The following ZFHX3 variants were observed in gnomAD, a reference collection of about 807,000 sequenced individuals.
ZFHX3 encodes the protein zinc finger homeobox 3.
Under a neutral mutation model 279.1 loss-of-function variants are expected in ZFHX3, and 42 were observed. The ratio of observed to expected loss-of-function variants is 0.15; its 90% confidence interval spans 0.12 to 0.19. The LOEUF (loss-of-function observed/expected upper bound fraction) is 0.19, where lower values mean the gene tolerates loss of function less well. Among genes scored for constraint, ZFHX3 ranks in the 10% least tolerant of loss-of-function variants. The pLI is 1.00. For missense variants in ZFHX3, 4,981 were observed against 4,754.0 expected (o/e 1.05, Z -1.40); for synonymous variants, 2,293 against 1,957.8 (o/e 1.17, Z -4.52).
At chr16:73,124,863 G>C (rs966747924) in intron 7 of ZFHX3, among the ~76,000 whole-genome samples, 1 of 152,166 alleles carries the variant, frequency 6.6e-6, no homozygotes, top group African/African-American at 2.4e-5. Flanking sequence ...TGAGAAATGA[G>C]TCTGTTCTGC....
intron 1 of ZFHX3, among the ~76,000 whole-genome samples, chr16:73,868,437 T>C (rs536257219): frequency 4.6e-5 from 7 of 152,320 alleles, no homozygotes; most frequent in Non-Finnish European, 8.8e-5. Flanking sequence ...GACAGGTGAA[T>C]TGCTTGAACC....
intron 1 of ZFHX3, among the ~76,000 whole-genome samples, chr16:72,962,189 C>T (rs950386911): frequency 6.6e-6 from 1 of 152,248 alleles, no homozygotes; most frequent in African/African-American, 2.4e-5. Context: ...TTTGATGCTG[C>T]ACCAGGGACT....
intron 3 of ZFHX3, among the ~76,000 whole-genome samples, chr16:73,423,109 TC>T (rs1439357893): frequency 6.6e-6 from 1 of 152,090 alleles, no homozygotes; most frequent in Non-Finnish European, 1.5e-5. Flanking sequence ...AAAGACTCCA[TC>T]CCCAAATCCA....
chr16:72,933,232 G>A (rs1020116370), intron 3 of ZFHX3, among the ~76,000 whole-genome samples: 1 of 152,088 alleles, frequency 6.6e-6, no homozygotes, highest in Admixed American at 6.5e-5. Context: ...TACCTCTAGT[G>A]AAATGTATGC....
At chr16:73,534,231 C>T (rs1453265362) in intron 2 of ZFHX3, among the ~76,000 whole-genome samples, 1 of 152,180 alleles carries the variant, frequency 6.6e-6, no homozygotes, top group Non-Finnish European at 1.5e-5. Context: ...TATACTTCCA[C>T]TTTAGGGCCT....
intron 2 of ZFHX3, among the ~76,000 whole-genome samples, chr16:73,627,372 G>A (rs1179171247): frequency 6.6e-6 from 1 of 152,188 alleles, no homozygotes; most frequent in Non-Finnish European, 1.5e-5. Context: ...CAGATTTGCA[G>A]ATACTATTGA....
intron 3 of ZFHX3, among the ~76,000 whole-genome samples, chr16:73,346,372 G>A (rs1450713403): frequency 1.3e-5 from 2 of 152,142 alleles, no homozygotes; most frequent in African/African-American, 2.4e-5. Flanking sequence ...CTTTGTCTGG[G>A]CAGGCAGCAT....
At chr16:73,846,920 T>A (rs1331255846) in intron 1 of ZFHX3, among the ~76,000 whole-genome samples, 4 of 152,118 alleles carry the variant, frequency 2.6e-5, no homozygotes, top group Non-Finnish European at 5.9e-5. Flanking sequence ...ATTTTAAACT[T>A]GTTTTTAAAT....
chr16:73,723,322 T>G lies in ZFHX3; in HGVS notation c.-1607-43082A>C, dbSNP rs149248469. Among the ~76,000 whole-genome samples, 175 of 152,320 alleles carry G rather than the reference T, an allele frequency of 1.1e-3. 1 individual carries two copies. The highest frequency in any genetic ancestry group is 3.3e-3 in the Admixed American group (50 of 15,300). On this transcript the variant is annotated intron_variant, in intron 1 of 17. Transcript: ENST00000641206. ...AAAAATAAGATATTCAGAAGGTAGA[T>G]TCTTCAGCTATAATGATATTGATTC...
intron 4 of ZFHX3, among the ~76,000 whole-genome samples, chr16:73,312,686 C>A (rs1032868031): frequency 6.6e-6 from 1 of 152,152 alleles, no homozygotes; most frequent in Admixed American, 6.5e-5. Flanking sequence ...CTCATAGCCA[C>A]CTTGCAAGAA....
intron 5 of ZFHX3, among the ~76,000 whole-genome samples, chr16:73,226,734 C>G (rs1170154795): frequency 6.6e-6 from 1 of 152,168 alleles, no homozygotes. Context: ...CTTAATCTTA[C>G]ATATTTTTTT....
At chr16:73,213,414 A>G (rs2012087451) in intron 5 of ZFHX3, among the ~76,000 whole-genome samples, 1 of 152,212 alleles carries the variant, frequency 6.6e-6, no homozygotes, top group Non-Finnish European at 1.5e-5. Flanking sequence ...ACTAACCAGA[A>G]CTTAGCTCGA....
At chr16:73,623,117 A>G (rs966158250) in intron 2 of ZFHX3, among the ~76,000 whole-genome samples, 4 of 152,026 alleles carry the variant, frequency 2.6e-5, no homozygotes, top group Admixed American at 2.6e-4. Context: ...GCTCACTGCA[A>G]GCTCCGCCTC....
At chr16:72,889,640 A>C (rs1315792168) in intron 4 of ZFHX3, 91 bp downstream of exon 4, 1 of 1,235,936 alleles carries the variant, frequency 8.1e-7, no homozygotes, top group East Asian at 2.4e-5. Context: ...TGGATCAGTA[A>C]CGTCTCCCTC....
At position 73,339,252 on chromosome 16, in the gene ZFHX3, T is replaced by C. The variant is rs561427493; in HGVS notation, c.-1290-20916A>G. Among the ~76,000 whole-genome samples, 4 of 152,260 alleles carry C rather than the reference T, an allele frequency of 2.6e-5. No individual in the cohort carries two copies. In the East Asian group the frequency reaches 7.8e-4, roughly 30 times the overall value. ...CTGCCCTCCCAAAGCACTGTGCAAC[T>C]TTTTCTTCTTCACCTGCTCTCCTCT... On this transcript the variant is annotated intron_variant, in intron 3 of 17. Coordinates refer to the ZFHX3 transcript ENST00000641206.
intron 2 of ZFHX3, among the ~76,000 whole-genome samples, chr16:73,538,439 A>G (rs2019947148): frequency 1.3e-5 from 2 of 152,244 alleles, no homozygotes; most frequent in African/African-American, 4.8e-5. Flanking sequence ...CGTGAAGTAC[A>G]TCATTAATTG....
intron 1 of ZFHX3, among the ~76,000 whole-genome samples, chr16:73,818,710 G>C (rs1368464323): frequency 6.6e-6 from 1 of 152,220 alleles, no homozygotes; most frequent in Non-Finnish European, 1.5e-5. Flanking sequence ...TCTGCATTGT[G>C]CTGGAAAGTG....
At chr16:73,546,409 G>A (rs1230468222) in intron 2 of ZFHX3, among the ~76,000 whole-genome samples, 1 of 151,942 alleles carries the variant, frequency 6.6e-6, no homozygotes. Context: ...TCAGTGTGAT[G>A]CTGGAGGTAG....
At chr16:73,393,420 T>C (rs905059511) in intron 3 of ZFHX3, among the ~76,000 whole-genome samples, 20 of 152,186 alleles carry the variant, frequency 1.3e-4, no homozygotes, top group African/African-American at 4.6e-4. Context: ...CTTTCCTCCA[T>C]ACAAATGTTA....
Sources: allele counts gnomAD v4.1 joint callset (sites outside exome capture counted in the v4.1 genomes callset), GRCh38; gene constraint gnomAD v4.1.1; transcripts MANE v1.5; gene names NCBI Gene and HGNC (gene_info 2026-07-23, HGNC 2026-07-21).